The following COL18A1 variants were observed in gnomAD, a reference collection of about 807,000 sequenced individuals.
COL18A1 encodes the protein collagen type XVIII alpha 1 chain.
Under a neutral mutation model 168.0 loss-of-function variants are expected in COL18A1, and 133 were observed. That is an observed-to-expected ratio of 0.79 (90% CI 0.69 to 0.91). The LOEUF is 0.91. COL18A1 is among the 40% of genes least tolerant of loss of function. COL18A1 has a pLI of 0.00. For missense variants in COL18A1, 2,126 were observed against 1,925.4 expected (o/e 1.10, Z -1.95); for synonymous variants, 949 against 809.0 (o/e 1.17, Z -2.94).
intron 2 of COL18A1, among the ~76,000 whole-genome samples, chr21:45,437,482 ACACT>A (rs1237108803): frequency 9.8e-5 from 8 of 81,660 alleles, no homozygotes; most frequent in Admixed American, 2.3e-4. Context: ...TCTCCTGCAC[ACACT>A]CACACTCACA....
At position 45,456,858 on chromosome 21, in the gene COL18A1, G is replaced by A. The variant is rs951704257; in HGVS notation, c.107-11384G>A. 5.4e-6 allele frequency: 8 copies of A among 1,468,626 alleles called. No homozygotes were observed. The African/African-American group carries it at 8.7e-5, about 16-fold the overall frequency. The allele number at this position is 1,468,626 out of a possible 1,614,324, so 91.0% of individuals were successfully genotyped here. A position where few individuals can be genotyped will look rare whatever the true frequency, so the allele number is the denominator to read the frequency against. ...CTCCCGACCCAGGAGGATGGGTACTGTGTGCTCATTGGGCCGGCTGCAGGT... is the reference window on the plus strand; with the variant it reads ...CTCCCGACCCAGGAGGATGGGTACTATGTGCTCATTGGGCCGGCTGCAGGT... On this transcript the variant is annotated intron_variant, in intron 2 of 41. Transcript: ENST00000651438.
chr21:45,473,717 C>A lies in COL18A1; in HGVS notation c.652-178C>A, dbSNP rs1050702310. Among the ~76,000 whole-genome samples, 1 of 152,194 alleles carries A rather than the reference C, an allele frequency of 6.6e-6. No individual in the cohort carries two copies. The highest frequency in any genetic ancestry group is 1.5e-5 in the Non-Finnish European group (1 of 68,016). On this transcript the variant is annotated intron_variant, in intron 3 of 41. Transcript: ENST00000651438. The surrounding 1 kb of genome is among the most constrained non-coding windows in gnomAD (Gnocchi z 4.0). ...AAGCGCCCAGGACGCCCCTGGGTCT[C>A]ACCACTTCTTCCTACCATGAGGCAT... is the stretch of plus-strand genomic sequence containing the variant.
rs1298148988 is a variant in COL18A1, at chr21:45,455,963, C to T, written c.107-12279C>T. Reference sequence around the variant, plus strand: ...CTTGGCCAGGGCGGAAACCCTGGTCCTGGAGACTCCTGTGGGCCCCCTTGC... The same window carrying T: ...CTTGGCCAGGGCGGAAACCCTGGTCTTGGAGACTCCTGTGGGCCCCCTTGC... On this transcript the variant is annotated intron_variant, in intron 2 of 41. Coordinates refer to ENST00000651438, the MANE Select transcript of COL18A1 (RefSeq NM_001379500.1). 3 of 1,612,974 alleles carry T rather than the reference C, an allele frequency of 1.9e-6. No individual in the cohort carries two copies. Among genetic ancestry groups the T allele is most frequent in the African/African-American group, 2.7e-5 (2 of 74,928 alleles).
chr21:45,483,596 C>T (rs1474234529), intron 15 of COL18A1, among the ~76,000 whole-genome samples: 2 of 152,190 alleles, frequency 1.3e-5, no homozygotes, highest in African/African-American at 2.4e-5. Flanking sequence ...CCACCACAGA[C>T]GCCCCCGGAG....
intron 38 of COL18A1, among the ~76,000 whole-genome samples, chr21:45,508,501 GGTGGGTAAGTGGGTTA>G (rs1035741195): frequency 2.7e-5 from 4 of 150,820 alleles, no homozygotes; most frequent in Admixed American, 2.6e-4. Context: ...GTGGATGGAT[GGTGGGTAAGTGGGTTA>G]GTGGATGGGT....
At chr21:45,426,732 A>G (rs2033815461) in intron 2 of COL18A1, among the ~76,000 whole-genome samples, 2 of 152,244 alleles carry the variant, frequency 1.3e-5, no homozygotes, top group African/African-American at 4.8e-5. Context: ...CACTTCGTCC[A>G]GCAGGTTTGG....
At chr21:45,449,344 C>G (rs1417310159) in intron 2 of COL18A1, among the ~76,000 whole-genome samples, 1 of 152,166 alleles carries the variant, frequency 6.6e-6, no homozygotes. Context: ...CAAGAAGGCT[C>G]CCACCACTCG....
chr21:45,508,719 T>G (rs1040047039), intron 38 of COL18A1, among the ~76,000 whole-genome samples: 1 of 152,192 alleles, frequency 6.6e-6, no homozygotes, highest in Admixed American at 6.5e-5. Flanking sequence ...ACTCATTTGC[T>G]GATTCATTCT....
rs746351498 is a variant in COL18A1 at position 45,456,181 on chromosome 21, A to T, written c.107-12061A>T. ...CAGTGCCACCACCATCTTCAGGTAG[A>T]GCTTCTCTCTCCTCCTTGCTGGGCG... On this transcript the variant is annotated intron_variant, in intron 2 of 41. Coordinates refer to ENST00000651438, the MANE Select transcript of COL18A1 (RefSeq NM_001379500.1). 14 of 1,595,508 alleles carry T rather than the reference A, an allele frequency of 8.8e-6. 2 individuals are homozygous for T. The Admixed American group carries it at 2.4e-4, about 27-fold the overall frequency.
In COL18A1 at chr21:45,512,907, G is replaced by A; in HGVS notation, c.*509G>A. 1 of 197,160 alleles carries A rather than the reference G, an allele frequency of 5.1e-6. No homozygotes were observed. Among genetic ancestry groups the A allele is most frequent in the South Asian group, 8.4e-5 (1 of 11,908 alleles). The allele number at this position is 197,160 out of a possible 1,614,324, so 12.2% of individuals were successfully genotyped here. ...CAGGGTGTGTGCTCGCCCTGCGGTA[G>A]ATGGGAGGGAGGCTCAGGTCCCTGG... On this transcript the variant is annotated 3_prime_UTR_variant, in exon 42 of 42. Transcript: ENST00000651438.
At chr21:45,503,920 C>T (rs1002307482) in intron 32 of COL18A1, 91 bp from the exon 33 acceptor site, 8 of 1,429,308 alleles carry the variant, frequency 5.6e-6, no homozygotes, top group Non-Finnish European at 7.9e-6. Context: ...AGAAGGGCCT[C>T]AGGCAAACCC....
rs199641561 is a variant in COL18A1, at chr21:45,478,358, G to A, written c.1248+5G>A. The A allele has an allele frequency of 4.3e-6, 7 of 1,614,190 alleles. No homozygotes were observed. In the South Asian group the frequency reaches 7.7e-5, roughly 18 times the overall value. ...CCCGGTGAAGACGGAAAGCCGGTGA[G>A]TCTGCTTTTCTTTCTGACCCCTGTG... On this transcript the variant is annotated splice_donor_5th_base_variant and intron_variant, in intron 9 of 41. Transcript: ENST00000651438.
chr21:45,480,562 C>A, intron 12 of COL18A1, 42 bp downstream of exon 12: 1 of 1,613,996 alleles, frequency 6.2e-7, no homozygotes, highest in East Asian at 2.2e-5. Flanking sequence ...ATGTCTGTGC[C>A]CATGAGGAAC....
rs1216704027 is a variant in COL18A1, at chr21:45,471,770, T to C, written c.652-2125T>C. On this transcript the variant is annotated intron_variant, in intron 3 of 41. Coordinates refer to ENST00000651438, the MANE Select transcript of COL18A1 (RefSeq NM_001379500.1). This position sits in a 1 kb window ranked among gnomAD's most constrained non-coding sequence, Gnocchi z 4.4. ...CCTGATTTCCAGCTGTGTCCTGATT[T>C]CCAGGGCGCTGAGGCTGCAGCGTGT... 6.6e-6 allele frequency among the ~76,000 whole-genome samples: 1 copy of C among 152,098 alleles called. No homozygotes were observed. The highest frequency in any genetic ancestry group is 2.4e-5 in the African/African-American group (1 of 41,386).
chr21:45,491,377 C>T, intron 22 of COL18A1, 63 bp downstream of exon 22: 1 of 815,988 alleles, frequency 1.2e-6, no homozygotes. Context: ...GCAGAGATCC[C>T]TCCCCGAGCC....
rs2036787254 is a variant in COL18A1 at position 45,501,053 on chromosome 21, AG to A, written c.2684-2957del. 1.4e-4 allele frequency among the ~76,000 whole-genome samples: 5 copies of A among 35,600 alleles called. 1 individual carries two copies. Among genetic ancestry groups the A allele is most frequent in the African/African-American group, 7.8e-4 (5 of 6,372 alleles). The allele number at this position is 35,600 out of a possible 152,430, so 23.4% of individuals were successfully genotyped here. On this transcript the variant is annotated intron_variant, in intron 32 of 41. Transcript: ENST00000651438. ...TTTGGTGTGTGTGTGTTGGGTGTGTAGTGTGGGGGTGTGGTTTGGTGTGTGT... is the reference window on the plus strand; with the variant it reads ...TTTGGTGTGTGTGTGTTGGGTGTGTATGTGGGGGTGTGGTTTGGTGTGTGT...
chr21:45,451,898 C>T (rs2034630921), intron 2 of COL18A1, among the ~76,000 whole-genome samples: 1 of 152,234 alleles, frequency 6.6e-6, no homozygotes, highest in Admixed American at 6.5e-5. Context: ...CATCATGGGC[C>T]TCCCAGCCGC....
chr21:45,503,701 G>A (rs1299119176), intron 32 of COL18A1, among the ~76,000 whole-genome samples: 2 of 151,220 alleles, frequency 1.3e-5, no homozygotes, highest in African/African-American at 2.4e-5. Context: ...ACGAGTTAGT[G>A]GGTGCAGCAC....
At chr21:45,488,534 G>T in intron 18 of COL18A1, 90 bp downstream of exon 18, 2 of 1,588,724 alleles carry the variant, frequency 1.3e-6, no homozygotes, top group Non-Finnish European at 1.7e-6. Context: ...CCTTGCCTCG[G>T]GTTTTCTGAT....
Sources: allele counts gnomAD v4.1 joint callset (sites outside exome capture counted in the v4.1 genomes callset), GRCh38; gene constraint gnomAD v4.1.1; non-coding constraint Gnocchi (gnomAD v3.1); transcripts MANE v1.5; gene names NCBI Gene and HGNC (gene_info 2026-07-23, HGNC 2026-07-21).